DNAH12: variants seen among roughly 807,000 people sequenced by gnomAD.
DNAH12 encodes dynein axonemal heavy chain 12, also known as axonemal beta dynein heavy chain 12.
In DNAH12, 285 loss-of-function variants were observed where a neutral mutation model predicts 371.5. The ratio of observed to expected loss-of-function variants is 0.77; its 90% CI spans 0.70 to 0.85. DNAH12 has a LOEUF of 0.85. Ranked by LOEUF, DNAH12 falls within the 40% of genes least tolerant of loss-of-function variation. The pLI, the probability that DNAH12 is intolerant of heterozygous loss-of-function variation, is 0.00. For synonymous variants in DNAH12, 1,200 were observed against 1,213.0 expected, an observed-to-expected ratio of 0.99 and a Z score of 0.22; for missense variants, 3,611 against 3,689.4, an observed-to-expected ratio of 0.98 and a Z score of 0.55.
chr3:57,505,994 C>T (rs1041144782), intron 8 of DNAH12, among the ~76,000 whole-genome samples: 1 of 152,200 alleles, frequency 6.6e-6, no homozygotes, highest in Non-Finnish European at 1.5e-5. Context: ...GATCCTCCCA[C>T]CTCAGCCACC....
chr3:57,415,637 TAGTTA>T lies in DNAH12; in HGVS notation c.5715-78_5715-74del, dbSNP rs1021266005. The T allele has an allele frequency of 2.8e-6, 4 of 1,404,704 alleles. No homozygotes were observed. The East Asian group carries it at 7.7e-5, about 27-fold the overall frequency. The allele number at this position is 1,404,704 out of a possible 1,614,324, so 87.0% of individuals were successfully genotyped here. A position where few individuals can be genotyped will look rare whatever the true frequency, so the allele number is the denominator to read the frequency against. ...AATACATTTCTACTAAAGGAGGCGG[TAGTTA>T]AAAGTGTACATAAGAATCAAATCAT... On this transcript the variant is annotated intron_variant, in intron 37 of 73. Coordinates refer to ENST00000495027, the MANE Select transcript of DNAH12 (RefSeq NM_001366028.2).
intron 38 of DNAH12, among the ~76,000 whole-genome samples, chr3:57,414,166 T>C (rs60353793): frequency 0.23 from 34,883 of 152,032 alleles, 4,583 homozygotes; most frequent in African/African-American, 0.35. Context: ...TGTGTTTTTA[T>C]TTATTCATAT....
At chr3:57,514,495 T>A (rs1293971395) in intron 4 of DNAH12, among the ~76,000 whole-genome samples, 1 of 151,996 alleles carries the variant, frequency 6.6e-6, no homozygotes, top group Admixed American at 6.6e-5. Flanking sequence ...GTTCATTTTT[T>A]AAAAAAATTA....
chr3:57,551,931 A>AC, the DNAH12 span, among the ~76,000 whole-genome samples: 1 of 150,666 alleles, frequency 6.6e-6, no homozygotes, highest in African/African-American at 2.4e-5. Context: ...CAGACATTTT[A>AC]CTTTTTTTTT....
intron 4 of DNAH12, among the ~76,000 whole-genome samples, chr3:57,521,063 C>CAAAAAAAA (rs61570396): frequency 1.5e-4 from 8 of 54,440 alleles, no homozygotes; most frequent in African/African-American, 2.3e-4. Flanking sequence ...GACTCTGTCT[C>CAAAAAAAA]AAAAAAAAAA....
At chr3:57,489,777 T>C (rs1008942752) in intron 11 of DNAH12, 90 bp from the exon 12 acceptor site, 3 of 1,236,950 alleles carry the variant, frequency 2.4e-6, no homozygotes, top group Admixed American at 3.6e-5. Context: ...CCTAATTATA[T>C]AAATACAACT....
At chr3:57,420,926 A>AAAG (rs2064557734) in intron 36 of DNAH12, among the ~76,000 whole-genome samples, 2 of 151,612 alleles carry the variant, frequency 1.3e-5, no homozygotes, top group African/African-American at 4.8e-5. Context: ...AAAAAAAAAA[A>AAAG]AAAAGAAAGA....
intron 60 of DNAH12, among the ~76,000 whole-genome samples, chr3:57,338,559 TCTAGGAAGTGAGGAGCGC>T (rs2153311519): frequency 6.9e-6 from 1 of 144,494 alleles, no homozygotes; most frequent in African/African-American, 2.6e-5. Flanking sequence ...CGCCACCTCA[TCTAGGAAGTGAGGAGCGC>T]CTCTGCCCGG....
intron 55 of DNAH12, among the ~76,000 whole-genome samples, chr3:57,371,097 A>C (rs978121620): frequency 6.6e-6 from 1 of 152,168 alleles, no homozygotes; most frequent in Non-Finnish European, 1.5e-5. Flanking sequence ...ATGACTGAGG[A>C]AACTCCAAGA....
chr3:57,551,457 G>C, the DNAH12 span, among the ~76,000 whole-genome samples: 1 of 151,578 alleles, frequency 6.6e-6, no homozygotes, highest in African/African-American at 2.4e-5. Context: ...ATTATTAGTA[G>C]AGACGGGGTT....
In DNAH12 at chr3:57,334,503, G is replaced by A; in HGVS notation, c.9940C>T (p.Gln3314Ter). The A allele has an allele frequency of 6.4e-7, 1 of 1,550,582 alleles. No individual in the cohort carries two copies. Among genetic ancestry groups the A allele is most frequent in the Admixed American group, 2.0e-5 (1 of 50,912 alleles). The part of the protein sequence containing the change: ...APMDKNLNEL[Q>*]KIIILRCLRP... ...AAACACCGAAGAATTATTATTTTCT[G>A]TAGTTCATTTAGGTTCTTATCCATT... Residue 3314 changes from glutamine (Q) to a stop codon, truncating the protein, a stop_gained, in exon 62 of 74, where the codon CAG (glutamine) becomes TAG (stop). Transcript: ENST00000495027. LOFTEE classifies it high-confidence loss of function.
rs2063408205 is a variant in DNAH12 at position 57,382,244 on chromosome 3, T to C, written c.7992+18A>G. On this transcript the variant is annotated intron_variant, in intron 50 of 73. Transcript: ENST00000495027. ...TATACATTCATGAATATGATTCAAA[T>C]CTGTGTCAAGTTATTACCTTGCCTC... The C allele has an allele frequency of 6.6e-6, 1 of 152,206 alleles. No homozygotes were observed. The highest frequency in any genetic ancestry group is 2.4e-5 in the African/African-American group (1 of 41,458). The allele number at this position is 152,206 out of a possible 1,614,324, so 9.4% of individuals were successfully genotyped here.
intron 55 of DNAH12, among the ~76,000 whole-genome samples, chr3:57,368,617 A>G (rs1348805961): frequency 6.6e-6 from 1 of 152,204 alleles, no homozygotes; most frequent in East Asian, 1.9e-4. Flanking sequence ...TGTTAACATA[A>G]TATGAAAATA....
At chr3:57,359,121 T>TTAA (rs2062864111) in intron 58 of DNAH12, among the ~76,000 whole-genome samples, 5 of 152,202 alleles carry the variant, frequency 3.3e-5, no homozygotes, top group Non-Finnish European at 7.3e-5. Flanking sequence ...TAATTAGTAT[T>TTAA]CCATGGCTTG....
In DNAH12 at chr3:57,441,362, CAGAG is replaced by C. The variant is rs551620613; in HGVS notation, c.4545+3331_4545+3334del. On this transcript the variant is annotated intron_variant, in intron 29 of 73. Transcript: ENST00000495027. ...GGTCAATTAGAAAGTATCCAAACTA[CAGAG>C]AGAAAGTAATGAAAAACAAAAGAGA... Among the ~76,000 whole-genome samples the C allele has an allele frequency of 1.7e-4, 26 of 151,562 alleles. No homozygotes were observed. In the South Asian group the frequency reaches 5.2e-3, roughly 30 times the overall value.
intron 62 of DNAH12, 128 bp from the exon 63 acceptor site, chr3:57,323,747 A>T: frequency 1.1e-6 from 1 of 937,650 alleles, no homozygotes; most frequent in South Asian, 2.7e-5. Flanking sequence ...AGCATCATAG[A>T]CAAAGCACTA....
intron 17 of DNAH12, among the ~76,000 whole-genome samples, chr3:57,466,367 T>C (rs1207553215): frequency 2.6e-5 from 4 of 152,160 alleles, no homozygotes; most frequent in African/African-American, 4.8e-5. Flanking sequence ...ATGTCTCTTT[T>C]TATATTTTTT....
At chr3:57,538,055 T>C (rs1385546168) in intron 2 of DNAH12, among the ~76,000 whole-genome samples, 1 of 152,080 alleles carries the variant, frequency 6.6e-6, no homozygotes. Flanking sequence ...CCAAATATAC[T>C]TAAAGTTTTT....
chr3:57,530,617 A>G, intron 2 of DNAH12: 1 of 571,040 alleles, frequency 1.8e-6, no homozygotes, highest in East Asian at 3.0e-5. Context: ...CCCAGGGACA[A>G]TGTATAGTGG....
Sources: gnomAD v4.1 joint callset for allele counts (sites outside exome capture counted in the v4.1 genomes callset) on GRCh38, gnomAD v4.1.1 for gene constraint, MANE v1.5 for transcripts, NCBI Gene and HGNC (gene_info 2026-07-23, HGNC 2026-07-21) for gene names.